RSRP1: variants seen among roughly 807,000 people sequenced by gnomAD.
RSRP1 encodes arginine/serine-rich protein 1.
A neutral mutation model predicts 33.0 loss-of-function variants in RSRP1; 37 were observed. The observed-to-expected ratio is 1.12, with a 90% CI of 0.86 to 1.48. The LOEUF is 1.48. RSRP1 is among the 40% of genes most tolerant of loss of function. The probability of loss-of-function intolerance (pLI) is 0.00; values close to 1 mark genes in which losing one functional copy is unlikely to be tolerated. For missense variants in RSRP1, 402 were observed against 385.3 expected, an observed-to-expected ratio of 1.04 and a Z score of -0.36; for synonymous variants, 167 against 158.7, an observed-to-expected ratio of 1.05 and a Z score of -0.40.
intron 3 of RSRP1, 120 bp downstream of exon 3, chr1:25,245,030 T>C (rs1412067773): frequency 6.3e-7 from 1 of 1,584,830 alleles, no homozygotes; most frequent in African/African-American, 1.3e-5. Context: ...CTACTTTGAA[T>C]TTAGCACATT....
Position 25,299,937 on chromosome 1 carries a change from A to G in RSRP1, c.-67+38041T>C, listed in dbSNP as rs1251898932. ...GCTAATTTTTGTATTTTTAGTAGAG[A>G]CAGGGTTTTGCCATGTTGGCCAGGC... On this transcript the variant is annotated intron_variant, in intron 1 of 1. Transcript: ENST00000561867. Among the ~76,000 whole-genome samples, 2 of 130,438 alleles carry G rather than the reference A, an allele frequency of 1.5e-5. 1 individual carries two copies. The highest frequency in any genetic ancestry group is 3.6e-5 in the Non-Finnish European group (2 of 55,362). 85.6% of individuals were successfully genotyped at this position (130,438 alleles called of 152,430 possible).
chr1:25,262,120 G>A (rs1640177004), intron 1 of RSRP1, among the ~76,000 whole-genome samples: 1 of 152,052 alleles, frequency 6.6e-6, no homozygotes, highest in South Asian at 2.1e-4. Context: ...CTGATTCTGG[G>A]GATATATCCA....
chr1:25,245,616 T>G (rs933485267), intron 2 of RSRP1, among the ~76,000 whole-genome samples: 1 of 152,200 alleles, frequency 6.6e-6, no homozygotes, highest in Admixed American at 6.5e-5. Flanking sequence ...GGGACAACTG[T>G]GTAACTTTAT....
rs1482544093 is a variant in RSRP1, at chr1:25,289,423, G to T, written c.-66-42394C>A. Reference sequence around the variant, plus strand: ...TTGGCCAGGCCACTCTTGAACCCCTGGCCTCAAGTGATCCACCTGCCTTGG... The same window carrying T: ...TTGGCCAGGCCACTCTTGAACCCCTTGCCTCAAGTGATCCACCTGCCTTGG... On this transcript the variant is annotated intron_variant, in intron 1 of 1. Transcript: ENST00000561867. Among the ~76,000 whole-genome samples the T allele has an allele frequency of 1.5e-5, 2 of 130,662 alleles. 1 individual carries two copies. The highest frequency in any genetic ancestry group is 3.9e-4 in the East Asian group (2 of 5,100). 85.7% of individuals were successfully genotyped at this position (130,662 alleles called of 152,430 possible).
upstream of RSRP1, among the ~76,000 whole-genome samples, chr1:25,248,486 C>G (rs181928260): frequency 9.6e-4 from 145 of 151,716 alleles, 1 homozygote; most frequent in African/African-American, 3.3e-3. Flanking sequence ...AATTTTTGCA[C>G]TTTTTTACCC....
intron 1 of RSRP1, among the ~76,000 whole-genome samples, chr1:25,297,756 T>C (rs1643071335): frequency 7.6e-6 from 1 of 132,060 alleles, no homozygotes; most frequent in South Asian, 2.3e-4. Context: ...AGGAAGAAAA[T>C]GTCAGCAGAG....
At chr1:25,266,855 C>A (rs1324434180) in intron 1 of RSRP1, 1 of 122,590 alleles carries the variant, frequency 8.2e-6, no homozygotes, top group Non-Finnish European at 1.9e-5. Context: ...CTTCTGCACA[C>A]GACCTTCCCC....
In RSRP1 at chr1:25,292,969, C is replaced by A. The variant is rs1170421417; in HGVS notation, c.-67+45009G>T. On this transcript the variant is annotated intron_variant, in intron 1 of 1. Coordinates refer to the RSRP1 transcript ENST00000561867. ...CAGGAGAGCGTGAGGTCCTGGAAGG[C>A]AAGGAAAGAGAGGGCCCCAGGTGGG... Among the ~76,000 whole-genome samples the A allele has an allele frequency of 1.4e-4, 18 of 124,376 alleles. 3 individuals are homozygous for A. The highest frequency in any genetic ancestry group is 2.4e-4 in the Admixed American group (3 of 12,608). The allele number at this position is 124,376 out of a possible 152,430, so 81.6% of individuals were successfully genotyped here. A position where few individuals can be genotyped will look rare whatever the true frequency, so the allele number is the denominator to read the frequency against.
chr1:25,249,512 T>C (rs1003674802), upstream of RSRP1, among the ~76,000 whole-genome samples: 19 of 152,268 alleles, frequency 1.2e-4, no homozygotes, highest in Middle Eastern at 3.4e-3. Flanking sequence ...CTAATTTTTT[T>C]TGTATTTTTA....
At chr1:25,329,105 CATTT>C (rs1170619388) in intron 1 of RSRP1, 3 of 1,243,242 alleles carry the variant, frequency 2.4e-6, no homozygotes, top group Admixed American at 4.1e-5. Context: ...AGAATCTCAC[CATTT>C]ATTATGCACT....
At chr1:25,276,073 C>A (rs1473017729) in intron 1 of RSRP1, among the ~76,000 whole-genome samples, 2 of 131,756 alleles carry the variant, frequency 1.5e-5, no homozygotes, top group East Asian at 3.9e-4. Flanking sequence ...TTATTCAAAC[C>A]TGCCAATTCT....
rs113128294 is a variant in RSRP1 at position 25,316,209 on chromosome 1, G to C, written c.-67+21769C>G. 2.0e-4 allele frequency among the ~76,000 whole-genome samples: 26 copies of C among 130,494 alleles called. 2 individuals carry two copies. Among genetic ancestry groups the C allele is most frequent in the South Asian group, 1.2e-3 (5 of 4,274 alleles). 85.6% of individuals were successfully genotyped at this position (130,494 alleles called of 152,430 possible). On this transcript the variant is annotated intron_variant, in intron 1 of 1. Coordinates refer to the RSRP1 transcript ENST00000561867. ...GGGGTTGCCTTGAAGGAGAGAGGTC[G>C]TGGAAGTATGTTCAAGGGGTAGGGA... is the stretch of plus-strand genomic sequence containing the variant.
At chr1:25,287,909 C>G (rs28718098) in intron 1 of RSRP1, among the ~76,000 whole-genome samples, 41,407 of 129,320 alleles carry the variant, frequency 0.32, 12,666 homozygotes, top group African/African-American at 0.48. Flanking sequence ...TTTTAGTAGA[C>G]AAGGGGTTTC....
At chr1:25,331,231 G>A (rs1170440001) in intron 1 of RSRP1, among the ~76,000 whole-genome samples, 4 of 130,694 alleles carry the variant, frequency 3.1e-5, no homozygotes, top group Non-Finnish European at 5.4e-5. Context: ...CTCCCAAAGT[G>A]CTAGGATTAC....
At chr1:25,307,577 T>A (rs2124695394) in intron 1 of RSRP1, 2 of 681,970 alleles carry the variant, frequency 2.9e-6, no homozygotes, top group East Asian at 5.3e-5. Flanking sequence ...CTCCTTGAAT[T>A]CTCACAACCG....
intron 1 of RSRP1, among the ~76,000 whole-genome samples, chr1:25,298,778 C>T (rs1390432312): frequency 7.6e-6 from 1 of 131,008 alleles, no homozygotes; most frequent in Admixed American, 7.5e-5. Flanking sequence ...GAAGGAAAGA[C>T]TGCCAATAAA....
Position 25,246,549 on chromosome 1 carries a change from A to G in RSRP1, c.415T>C (p.Tyr139His). 3 of 1,614,214 alleles carry G rather than the reference A, an allele frequency of 1.9e-6. No homozygotes were observed. The highest frequency in any genetic ancestry group is 2.5e-6 in the Non-Finnish European group (3 of 1,180,040). Residue 139 changes from tyrosine (Y) to histidine (H), a missense_variant, in exon 2 of 5, where the codon TAC (tyrosine) becomes CAC (histidine). By Grantham distance (83) the Tyr-to-His change is moderately conservative. Coordinates refer to ENST00000243189, the MANE Select transcript of RSRP1 (RefSeq NM_020317.5). ...TACACTGTGCGACCAAAGCCGTAGT[A>G]GCGCTGTCCCCGCGCGATCGCGTAC... The part of the protein sequence containing the change: ...RAYAIARGQR[Y>H]YGFGRTVYPE...
At chr1:25,270,933 G>T (rs1326601489) in intron 1 of RSRP1, among the ~76,000 whole-genome samples, 4 of 130,044 alleles carry the variant, frequency 3.1e-5, no homozygotes, top group African/African-American at 1.0e-4. Flanking sequence ...TTTTTTCTAT[G>T]CGTGTGCTAA....
chr1:25,251,960 G>A (rs898560791), upstream of RSRP1, among the ~76,000 whole-genome samples: 2 of 150,536 alleles, frequency 1.3e-5, no homozygotes, highest in African/African-American at 4.9e-5. Context: ...GTGCAATCTC[G>A]ACTTACTGCC....
Sources: allele counts gnomAD v4.1 joint callset (sites outside exome capture counted in the v4.1 genomes callset), GRCh38; gene constraint gnomAD v4.1.1; transcripts MANE v1.5; gene names NCBI Gene and HGNC (gene_info 2026-07-23, HGNC 2026-07-21).